Variants in AGBL4 observed in about 807,000 individuals in gnomAD.
AGBL4 encodes the protein AGBL carboxypeptidase 4.
Under a neutral mutation model 66.4 loss-of-function variants are expected in AGBL4, and 58 were observed. The ratio of observed to expected loss-of-function variants is 0.87; its 90% CI spans 0.71 to 1.09. The LOEUF is 1.09. Among genes scored for constraint, AGBL4 ranks in the 50% least tolerant of loss-of-function variants. The pLI is 0.00. For missense variants in AGBL4, 579 were observed against 631.0 expected, an observed-to-expected ratio of 0.92 and a Z score of 0.88; for synonymous variants, 234 against 222.9, an observed-to-expected ratio of 1.05 and a Z score of -0.44.
intron 4 of AGBL4, among the ~76,000 whole-genome samples, chr1:49,230,976 A>G (rs1162326793): frequency 1.3e-5 from 2 of 152,336 alleles, no homozygotes; most frequent in East Asian, 3.9e-4. Context: ...CAAATTAAAT[A>G]TTTCTAGAAT....
At chr1:49,288,789 A>C (rs1644477980) in intron 3 of AGBL4, among the ~76,000 whole-genome samples, 1 of 152,222 alleles carries the variant, frequency 6.6e-6, no homozygotes, top group Non-Finnish European at 1.5e-5. Flanking sequence ...CCCTTGGAGT[A>C]AGGGCAAGCC....
intron 6 of AGBL4, among the ~76,000 whole-genome samples, chr1:48,790,380 A>AT (rs34972977): frequency 0.27 from 40,473 of 151,580 alleles, 6,861 homozygotes; most frequent in East Asian, 0.72. Context: ...AGGGGGAAAA[A>AT]ATCTTTTCCT....
intron 6 of AGBL4, among the ~76,000 whole-genome samples, chr1:48,831,272 G>A (rs923165378): frequency 6.6e-6 from 1 of 152,128 alleles, no homozygotes; most frequent in African/African-American, 2.4e-5. Context: ...GAAGAACTAA[G>A]TCCCTCTCCT....
At chr1:49,217,481 A>C (rs1467128994) in intron 4 of AGBL4, among the ~76,000 whole-genome samples, 1 of 152,154 alleles carries the variant, frequency 6.6e-6, no homozygotes, top group Non-Finnish European at 1.5e-5. Flanking sequence ...CATAATCTAC[A>C]TAAAAAGTTG....
At chr1:49,658,290 A>T (rs537659031) in intron 3 of AGBL4, among the ~76,000 whole-genome samples, 6 of 152,224 alleles carry the variant, frequency 3.9e-5, no homozygotes, top group Non-Finnish European at 8.8e-5. Context: ...GAGAAATGCA[A>T]ATCAAAACCA....
intron 2 of AGBL4, among the ~76,000 whole-genome samples, chr1:49,744,715 C>A (rs562907122): frequency 6.6e-6 from 1 of 151,968 alleles, no homozygotes; most frequent in East Asian, 1.9e-4. Context: ...CTACAAAAAG[C>A]AGTAAGTATA....
At chr1:49,802,195 A>G (rs1644876582) in intron 2 of AGBL4, among the ~76,000 whole-genome samples, 1 of 152,138 alleles carries the variant, frequency 6.6e-6, no homozygotes, top group Admixed American at 6.6e-5. Context: ...TATCCCAGAA[A>G]AGCAGATGTT....
At chr1:48,981,104 C>T (rs1278132632) in intron 5 of AGBL4, among the ~76,000 whole-genome samples, 22 of 152,188 alleles carry the variant, frequency 1.4e-4, no homozygotes, top group Admixed American at 1.4e-3. Flanking sequence ...CACTCAAGGT[C>T]CTTTGGATTT....
intron 6 of AGBL4, among the ~76,000 whole-genome samples, chr1:48,854,337 T>C (rs1647098145): frequency 6.6e-6 from 1 of 152,198 alleles, no homozygotes; most frequent in African/African-American, 2.4e-5. Context: ...TGCTGCCTGC[T>C]CCCAAGATCC....
intron 1 of AGBL4, among the ~76,000 whole-genome samples, chr1:50,009,192 AAAAC>A (rs1482177462): frequency 6.6e-6 from 1 of 152,160 alleles, no homozygotes; most frequent in Admixed American, 6.5e-5. Flanking sequence ...CATCTAGGGA[AAAAC>A]AAACAAACAA....
chr1:49,342,932 G>C (rs1238864550), intron 3 of AGBL4, among the ~76,000 whole-genome samples: 1 of 152,150 alleles, frequency 6.6e-6, no homozygotes, highest in Non-Finnish European at 1.5e-5. Flanking sequence ...GGTTACCTTT[G>C]GTAAAGGTTA....
At chr1:49,128,019 G>C (rs770220162) in intron 4 of AGBL4, among the ~76,000 whole-genome samples, 4 of 151,962 alleles carry the variant, frequency 2.6e-5, no homozygotes, top group Non-Finnish European at 5.9e-5. Context: ...TCCATAAATT[G>C]TAGTTGTAAT....
At chr1:48,753,177 G>C (rs1368475196) in intron 6 of AGBL4, among the ~76,000 whole-genome samples, 1 of 152,214 alleles carries the variant, frequency 6.6e-6, no homozygotes, top group Non-Finnish European at 1.5e-5. Flanking sequence ...AAGAGCTGGG[G>C]TTGAAAACCT....
At chr1:48,735,646 C>T (rs998387148) in intron 6 of AGBL4, among the ~76,000 whole-genome samples, 2 of 152,088 alleles carry the variant, frequency 1.3e-5, no homozygotes, top group Non-Finnish European at 2.9e-5. Flanking sequence ...TGCCCTCCAA[C>T]CTCTCCCATA....
At chr1:49,564,551 C>T (rs1644141343) in intron 3 of AGBL4, among the ~76,000 whole-genome samples, 1 of 152,156 alleles carries the variant, frequency 6.6e-6, no homozygotes, top group South Asian at 2.1e-4. Flanking sequence ...TTTCTGCCTT[C>T]ATTTTGTTAT....
At chr1:48,531,198 C>CTT (rs67902508), downstream of AGBL4, among the ~76,000 whole-genome samples, 14 of 130,096 alleles carry the variant, frequency 1.1e-4, no homozygotes, top group African/African-American at 2.6e-4. Context: ...TTATAGCCAG[C>CTT]TTTTTTTTTT....
At position 49,448,155 on chromosome 1, in the gene AGBL4, T is replaced by C. The variant is rs144249944; in HGVS notation, c.283-202291A>G. Among the ~76,000 whole-genome samples, 45 of 152,286 alleles carry C rather than the reference T, an allele frequency of 3.0e-4. 1 individual carries two copies. The highest frequency in any genetic ancestry group is 1.0e-3 in the African/African-American group (43 of 41,576). ...ATTTGAAAAATAACTTTAAGATTAA[T>C]ACATGTGTATTAATCAAAAATCTCT... On this transcript the variant is annotated intron_variant, in intron 3 of 13. Coordinates refer to ENST00000371839, the MANE Select transcript of AGBL4 (RefSeq NM_032785.4).
intron 3 of AGBL4, among the ~76,000 whole-genome samples, chr1:49,450,737 T>C (rs1646260735): frequency 6.6e-6 from 1 of 152,108 alleles, no homozygotes. Context: ...GGAATTTATG[T>C]AACTTAGGAA....
At chr1:48,658,459 T>G (rs1262761362) in intron 7 of AGBL4, among the ~76,000 whole-genome samples, 1 of 152,228 alleles carries the variant, frequency 6.6e-6, no homozygotes, top group Admixed American at 6.5e-5. Flanking sequence ...TTCCTTGACC[T>G]GGCACCAGAC....
Sources: gnomAD v4.1 joint callset for allele counts (sites outside exome capture counted in the v4.1 genomes callset) on GRCh38, gnomAD v4.1.1 for gene constraint, MANE v1.5 for transcripts, NCBI Gene and HGNC (gene_info 2026-07-23, HGNC 2026-07-21) for gene names.